TXNL4A: variants seen among roughly 807,000 people sequenced by gnomAD.
TXNL4A encodes the protein thioredoxin like 4A.
In TXNL4A, 17 loss-of-function variants were observed where a neutral mutation model predicts 14.6. The observed-to-expected ratio is 1.16, with a 90% CI of 0.80 to 1.74. The LOEUF (loss-of-function observed/expected upper bound fraction) is 1.74, where lower values mean the gene tolerates loss of function less well. TXNL4A is among the 40% of genes most tolerant of loss of function. The pLI is 0.00. For missense variants in TXNL4A, 74 were observed against 195.2 expected (o/e 0.38, Z 3.70); for synonymous variants, 83 against 70.6 (o/e 1.18, Z -0.88).
At chr18:80,002,254 G>T (rs2051702990) in intron 1 of TXNL4A, among the ~76,000 whole-genome samples, 1 of 152,176 alleles carries the variant, frequency 6.6e-6, no homozygotes, top group Admixed American at 6.5e-5. Flanking sequence ...CCAGCAAACA[G>T]ATGGTCAAGG....
intron 1 of TXNL4A, among the ~76,000 whole-genome samples, chr18:80,023,275 T>C (rs1210410111): frequency 6.6e-6 from 1 of 152,196 alleles, no homozygotes. Context: ...TGGAGTTTTT[T>C]TGTTTACAAA....
At chr18:79,984,547 C>T (rs373365902) in intron 1 of TXNL4A, among the ~76,000 whole-genome samples, 184 of 152,312 alleles carry the variant, frequency 1.2e-3, no homozygotes, top group African/African-American at 4.3e-3. Flanking sequence ...CTGGACAACA[C>T]AAGAAGACTC....
intron 2 of TXNL4A, among the ~76,000 whole-genome samples, chr18:79,976,465 C>T (rs1169590181): frequency 1.3e-5 from 2 of 152,080 alleles, no homozygotes; most frequent in Non-Finnish European, 1.5e-5. Flanking sequence ...GATCTCAGAC[C>T]CACCACCACG....
intron 1 of TXNL4A, among the ~76,000 whole-genome samples, chr18:79,997,346 C>T (rs1042205356): frequency 3.3e-5 from 5 of 151,888 alleles, no homozygotes; most frequent in East Asian, 1.9e-4. Context: ...CTATTCCCTG[C>T]ACAAGCCCCT....
intron 1 of TXNL4A, among the ~76,000 whole-genome samples, chr18:80,013,280 G>A (rs1379559419): frequency 1.3e-5 from 2 of 151,326 alleles, no homozygotes; most frequent in African/African-American, 4.9e-5. Flanking sequence ...CCGCCACCAT[G>A]CCCAGCTAAT....
At chr18:80,008,795 T>G (rs1012555319) in intron 1 of TXNL4A, among the ~76,000 whole-genome samples, 3 of 152,098 alleles carry the variant, frequency 2.0e-5, no homozygotes, top group African/African-American at 7.2e-5. Context: ...TTCTTTCTTT[T>G]GAGATGGAGT....
chr18:79,976,881 T>C (rs2051387549), intron 2 of TXNL4A: 1 of 436,566 alleles, frequency 2.3e-6, no homozygotes, highest in Non-Finnish European at 4.6e-6. Flanking sequence ...CTTGTATTTA[T>C]AAGCAAAGTA....
At chr18:80,023,323 A>G (rs1334105163) in intron 1 of TXNL4A, among the ~76,000 whole-genome samples, 1 of 152,182 alleles carries the variant, frequency 6.6e-6, no homozygotes, top group Non-Finnish European at 1.5e-5. Context: ...AGGGACATAA[A>G]AGGAAAAAGA....
At chr18:79,991,359 A>G (rs1054775941), upstream of TXNL4A, among the ~76,000 whole-genome samples, 9 of 152,048 alleles carry the variant, frequency 5.9e-5, no homozygotes, top group Non-Finnish European at 1.2e-4. Context: ...TAGACATTTC[A>G]TATAGATGGA....
upstream of TXNL4A, among the ~76,000 whole-genome samples, chr18:79,993,546 C>A (rs2051641435): frequency 6.6e-6 from 1 of 152,114 alleles, no homozygotes; most frequent in South Asian, 2.1e-4. This position sits in a 1 kb window ranked among gnomAD's most constrained non-coding sequence, Gnocchi z 4.4. Flanking sequence ...GCTCAGAAGT[C>A]ATATAATTTG....
upstream of TXNL4A, among the ~76,000 whole-genome samples, chr18:79,991,784 C>G (rs2051629950): frequency 6.6e-6 from 1 of 152,174 alleles, no homozygotes; most frequent in Non-Finnish European, 1.5e-5. Context: ...ACCTCGTGAA[C>G]CCCAAAAATC....
chr18:80,031,326 G>A (rs1000490038), intron 1 of TXNL4A, among the ~76,000 whole-genome samples: 3 of 152,144 alleles, frequency 2.0e-5, no homozygotes, highest in African/African-American at 4.8e-5. Context: ...CACTGACTGG[G>A]TGCAGTGACC....
intron 1 of TXNL4A, among the ~76,000 whole-genome samples, chr18:80,031,517 T>C (rs2051921446): frequency 6.6e-6 from 1 of 152,210 alleles, no homozygotes; most frequent in Non-Finnish European, 1.5e-5. Flanking sequence ...GTTGGACACG[T>C]TCAGTATTCC....
At chr18:80,023,920 ACGTC>A (rs1214456289) in intron 1 of TXNL4A, among the ~76,000 whole-genome samples, 1 of 152,236 alleles carries the variant, frequency 6.6e-6, no homozygotes, top group African/African-American at 2.4e-5. Flanking sequence ...TCTCCTGGGC[ACGTC>A]CTTAACTTTG....
At chr18:79,995,093 T>C (rs1031119632) in intron 1 of TXNL4A, 3 of 152,242 alleles carry the variant, frequency 2.0e-5, no homozygotes, top group Admixed American at 6.5e-5. Flanking sequence ...CCCTGGTTAA[T>C]GGCTGAGTTG....
intron 1 of TXNL4A, among the ~76,000 whole-genome samples, chr18:80,021,977 A>C (rs1399288409): frequency 7.5e-6 from 1 of 134,072 alleles, no homozygotes; most frequent in East Asian, 2.3e-4. Context: ...GGTGGCTCCC[A>C]TATGGGCTAG....
At chr18:79,974,374 T>C (rs1201795539) in intron 2 of TXNL4A, among the ~76,000 whole-genome samples, 1 of 152,256 alleles carries the variant, frequency 6.6e-6, no homozygotes, top group Non-Finnish European at 1.5e-5. Context: ...ATGTTTATGG[T>C]TAGGGAAGTA....
Position 79,973,571 on chromosome 18 carries a change from T to G in TXNL4A, c.*114A>C. ...TTAAGACCATGTTATCAATTCCATC[T>G]CAGAGGTGCTCCAGCCCTGGAGCTT... On this transcript the variant is annotated 3_prime_UTR_variant, in exon 3 of 3. Transcript: ENST00000269601. 1 of 1,366,358 alleles carries G rather than the reference T, an allele frequency of 7.3e-7. No homozygotes were observed. Among genetic ancestry groups the G allele is most frequent in the Non-Finnish European group, 9.9e-7 (1 of 1,014,260 alleles). The allele number at this position is 1,366,358 out of a possible 1,614,324, so 84.6% of individuals were successfully genotyped here. A position where few individuals can be genotyped will look rare whatever the true frequency, so the allele number is the denominator to read the frequency against.
chr18:79,997,924 G>T (rs564528909), intron 1 of TXNL4A, among the ~76,000 whole-genome samples: 1 of 152,288 alleles, frequency 6.6e-6, no homozygotes, highest in South Asian at 2.1e-4. Context: ...AGAGTGAGAG[G>T]AATTTTAGCT....
Sources: gnomAD v4.1 joint callset for allele counts (sites outside exome capture counted in the v4.1 genomes callset) on GRCh38, gnomAD v4.1.1 for gene constraint, Gnocchi (gnomAD v3.1) non-coding constraint, MANE v1.5 for transcripts, NCBI Gene and HGNC (gene_info 2026-07-23, HGNC 2026-07-21) for gene names.